Variants in TMEM232 observed in about 807,000 individuals in gnomAD.
TMEM232 encodes the protein transmembrane protein 232.
In TMEM232, 80 loss-of-function variants were observed where a neutral mutation model predicts 78.8. The observed-to-expected ratio is 1.01, with a 90% CI of 0.85 to 1.22. The LOEUF (loss-of-function observed/expected upper bound fraction) is 1.22, where lower values mean the gene tolerates loss of function less well. Among genes scored for constraint, TMEM232 ranks in the 50% most tolerant of loss-of-function variants. The pLI is 0.00. For synonymous variants in TMEM232, 297 were observed against 254.3 expected, an observed-to-expected ratio of 1.17 and a Z score of -1.60; for missense variants, 881 against 742.2, an observed-to-expected ratio of 1.19 and a Z score of -2.17.
At chr5:110,524,726 C>G (rs1326313043) in intron 12 of TMEM232, among the ~76,000 whole-genome samples, 2 of 152,034 alleles carry the variant, frequency 1.3e-5, no homozygotes, top group African/African-American at 4.8e-5. Flanking sequence ...CTTGTTTTAT[C>G]CATTATTGAA....
chr5:110,649,573 CACA>C (rs1788004276), intron 2 of TMEM232, among the ~76,000 whole-genome samples: 1 of 151,980 alleles, frequency 6.6e-6, no homozygotes, highest in Non-Finnish European at 1.5e-5. Flanking sequence ...ACTAGTAAAG[CACA>C]ACAACTCTCA....
At chr5:110,502,441 G>T (rs1368252809) in intron 12 of TMEM232, among the ~76,000 whole-genome samples, 1 of 152,160 alleles carries the variant, frequency 6.6e-6, no homozygotes, top group Non-Finnish European at 1.5e-5. Context: ...TCATTTTCAA[G>T]ACCAGTTTTA....
intron 11 of TMEM232, among the ~76,000 whole-genome samples, chr5:110,529,302 G>C (rs1480187373): frequency 6.6e-6 from 1 of 151,810 alleles, no homozygotes; most frequent in Non-Finnish European, 1.5e-5. Flanking sequence ...CTGGAGTGCA[G>C]TGGCACAATC....
At chr5:110,673,543 T>C (rs1791635489) in intron 1 of TMEM232, among the ~76,000 whole-genome samples, 1 of 152,164 alleles carries the variant, frequency 6.6e-6, no homozygotes, top group African/African-American at 2.4e-5. Context: ...TTTAAACATC[T>C]ACTAGGAAAA....
In TMEM232 at chr5:110,621,300, G is replaced by C. The variant is rs1474031204; in HGVS notation, c.769-2738C>G. Reference sequence around the variant, plus strand: ...ATATATCATCAGTGCAGAAGACCAAGAGTGAGCAATGTTGCTTACTCTTGA... The same window carrying C: ...ATATATCATCAGTGCAGAAGACCAACAGTGAGCAATGTTGCTTACTCTTGA... On this transcript the variant is annotated intron_variant, in intron 7 of 13. Coordinates refer to ENST00000455884, the MANE Select transcript of TMEM232 (RefSeq NM_001039763.4). Among the ~76,000 whole-genome samples the C allele has an allele frequency of 2.0e-5, 3 of 152,116 alleles. No homozygotes were observed. The East Asian group carries it at 5.8e-4, about 29-fold the overall frequency.
intron 2 of TMEM232, among the ~76,000 whole-genome samples, chr5:110,408,940 A>G (rs1412643593): frequency 1.3e-5 from 2 of 152,148 alleles, no homozygotes; most frequent in South Asian, 2.1e-4. Flanking sequence ...GGTAACTCCT[A>G]CCTAGACCAG....
chr5:110,662,920 T>G (rs968297825), intron 2 of TMEM232, among the ~76,000 whole-genome samples: 1 of 152,100 alleles, frequency 6.6e-6, no homozygotes, highest in African/African-American at 2.4e-5. Context: ...TGGGAAAGAT[T>G]TTTTTAACCA....
In TMEM232 at chr5:110,676,983, A is replaced by C. The variant is rs143976300; in HGVS notation, c.-12-9619T>G. On this transcript the variant is annotated intron_variant, in intron 1 of 13. Transcript: ENST00000455884. ...ACCATGTTGGTCAGGCTGGTCTTGA[A>C]CTCCTGAACTCAGGTGATCTGCCTG... is the stretch of plus-strand genomic sequence containing the variant. 1.6e-3 allele frequency among the ~76,000 whole-genome samples: 237 copies of C among 151,618 alleles called. 5 individuals carry two copies. In the East Asian group the frequency reaches 0.043, roughly 27 times the overall value.
intron 12 of TMEM232, among the ~76,000 whole-genome samples, chr5:110,450,993 A>T (rs927363507): frequency 6.6e-6 from 1 of 151,594 alleles, no homozygotes; most frequent in Non-Finnish European, 1.5e-5. Context: ...CCAAGGAAAG[A>T]TCCTGGGTCA....
intron 5 of TMEM232, among the ~76,000 whole-genome samples, chr5:110,628,326 A>T (rs9326804): frequency 0.4 from 60,875 of 151,974 alleles, 17,183 homozygotes; most frequent in African/African-American, 0.8. Flanking sequence ...TTTATTTCTA[A>T]GCATCTCTGT....
intron 1 of TMEM232, among the ~76,000 whole-genome samples, chr5:110,681,344 G>A (rs995211884): frequency 6.6e-6 from 1 of 152,162 alleles, no homozygotes; most frequent in African/African-American, 2.4e-5. Context: ...CAGGGCAGCA[G>A]GAAGGTGGGC....
At chr5:110,452,102 T>G (rs1760364783) in intron 12 of TMEM232, among the ~76,000 whole-genome samples, 1 of 152,242 alleles carries the variant, frequency 6.6e-6, no homozygotes. Context: ...AATCTTGACT[T>G]TAAAAGATGC....
chr5:110,397,801 T>A (rs1427775425), exon 3 of TMEM232: 2 of 152,626 alleles, frequency 1.3e-5, no homozygotes, highest in Non-Finnish European at 2.9e-5. Context: ...ATATATGTTG[T>A]CTTCTCAGCT....
intron 12 of TMEM232, among the ~76,000 whole-genome samples, chr5:110,514,616 A>C (rs1443466207): frequency 2.6e-5 from 4 of 152,158 alleles, no homozygotes; most frequent in African/African-American, 9.6e-5. Context: ...CAGAAAAAAA[A>C]CCTATAAAAT....
intron 11 of TMEM232, among the ~76,000 whole-genome samples, chr5:110,564,627 A>G (rs373835248): frequency 7.2e-5 from 11 of 152,090 alleles, no homozygotes; most frequent in African/African-American, 2.4e-4. Flanking sequence ...TTGGGACAAT[A>G]GGCGTGAACC....
chr5:110,527,878 A>T (rs1228619251), intron 12 of TMEM232, among the ~76,000 whole-genome samples: 1 of 151,988 alleles, frequency 6.6e-6, no homozygotes, highest in Non-Finnish European at 1.5e-5. Flanking sequence ...AGTAAATAAA[A>T]GTTTCTGTCT....
chr5:110,694,107 C>T (rs36139141), intron 1 of TMEM232, among the ~76,000 whole-genome samples: 6 of 152,034 alleles, frequency 3.9e-5, no homozygotes, highest in Admixed American at 6.6e-5. Context: ...GCGGATCTCT[C>T]GGCAGAAACT....
chr5:110,417,618 CTTTTTTTTTTTTT>C (rs1181888424), downstream of TMEM232: 3 of 119,290 alleles, frequency 2.5e-5, no homozygotes, highest in Non-Finnish European at 3.6e-5. Context: ...TTTTCTTTTT[CTTTTTTTTTTTTT>C]TTTTTTTGTC....
At chr5:110,715,959 C>T (rs1017938725) in intron 1 of TMEM232, among the ~76,000 whole-genome samples, 1 of 152,130 alleles carries the variant, frequency 6.6e-6, no homozygotes, top group African/African-American at 2.4e-5. Context: ...ACTCTTTCAA[C>T]CAATTGCCAA....
Sources: gnomAD v4.1 joint callset for allele counts (sites outside exome capture counted in the v4.1 genomes callset) on GRCh38, gnomAD v4.1.1 for gene constraint, MANE v1.5 for transcripts, NCBI Gene and HGNC (gene_info 2026-07-23, HGNC 2026-07-21) for gene names.